HLA-F: variants seen among roughly 807,000 people sequenced by gnomAD.
The protein encoded by HLA-F is HLA class I histocompatibility antigen, alpha chain F.
In HLA-F, 46 loss-of-function variants were observed where a neutral mutation model predicts 49.5. That is an observed-to-expected ratio of 0.93 (90% CI 0.73 to 1.19). HLA-F has a LOEUF of 1.19. Ranked by LOEUF, HLA-F falls within the 50% of genes most tolerant of loss-of-function variation. The pLI is 0.00. For synonymous variants in HLA-F, 203 were observed against 233.5 expected (o/e 0.87, Z 1.19); for missense variants, 496 against 579.6 (o/e 0.86, Z 1.48).
At chr6:29,726,073 T>A in intron 6 of HLA-F, 30 bp downstream of exon 6, 4 of 1,606,266 alleles carry the variant, frequency 2.5e-6, no homozygotes, top group Non-Finnish European at 3.4e-6. Context: ...TCCCTGAGAT[T>A]GTTGGGATAT....
chr6:29,724,699 G>A (rs968263561), intron 3 of HLA-F, among the ~76,000 whole-genome samples: 3 of 139,172 alleles, frequency 2.2e-5, no homozygotes, highest in East Asian at 4.9e-4. Context: ...ATACCGATCC[G>A]CGGTCCCCTT....
intron 3 of HLA-F, among the ~76,000 whole-genome samples, chr6:29,734,816 C>A (rs2127598556): frequency 6.6e-6 from 1 of 152,190 alleles, no homozygotes; most frequent in Non-Finnish European, 1.5e-5. Flanking sequence ...AAGCAGTCAC[C>A]CTCCATTTCC....
At chr6:29,725,421 C>A in intron 4 of HLA-F, 26 bp from the exon 5 acceptor site, 2 of 1,609,640 alleles carry the variant, frequency 1.2e-6, no homozygotes, top group Non-Finnish European at 1.7e-6. Flanking sequence ...GAGATCAGGG[C>A]CCCTCACCTT....
chr6:29,723,494 T>G lies in HLA-F; in HGVS notation c.31T>G (p.Ser11Ala), dbSNP rs780412150. The G allele has an allele frequency of 1.2e-6, 2 of 1,613,482 alleles. No individual in the cohort carries two copies. Among genetic ancestry groups the G allele is most frequent in the Non-Finnish European group, 8.5e-7 (1 of 1,179,970 alleles). Residue 11 changes from serine to alanine, a missense_variant, in exon 1 of 7, where the codon TCA becomes GCA. Coordinates refer to ENST00000259951, the MANE Select transcript of HLA-F (RefSeq NM_001098479.2). MAPRSLLLLL[S>A]GALALTDTWA... ...GCCCCGAAGCCTCCTCCTGCTGCTCTCAGGGGCCCTGGCCCTGACCGATAC... is the reference window on the plus strand; with the variant it reads ...GCCCCGAAGCCTCCTCCTGCTGCTCGCAGGGGCCCTGGCCCTGACCGATAC...
At chr6:29,724,045 A>T (rs1250506348) in intron 2 of HLA-F, 118 bp downstream of exon 2, 1 of 1,545,818 alleles carries the variant, frequency 6.5e-7, no homozygotes, top group Non-Finnish European at 8.8e-7. Context: ...ACCCGCCCAG[A>T]CCCTCCACCC....
Position 29,723,701 on chromosome 6 carries a change from C to T in HLA-F, c.108C>T (p.Pro36=), listed in dbSNP as rs781002327. The change falls in exon 2 of 7, where the codon CCC becomes CCT. Residue 36 remains proline (P), a synonymous_variant. Transcript: ENST00000259951. ...LRYFSTAVSR[P]GRGEPRYIAV... ...ATTTCAGCACCGCTGTGTCGCGGCCCGGCCGCGGGGAGCCCCGCTACATCG... is the reference window on the plus strand; with the variant it reads ...ATTTCAGCACCGCTGTGTCGCGGCCTGGCCGCGGGGAGCCCCGCTACATCG... 7 of 1,611,502 alleles carry T rather than the reference C, an allele frequency of 4.3e-6. No homozygotes were observed. In the East Asian group the frequency reaches 1.1e-4, roughly 26 times the overall value.
downstream of HLA-F, among the ~76,000 whole-genome samples, chr6:29,731,497 T>C (rs947215180): frequency 6.6e-6 from 1 of 151,198 alleles, no homozygotes; most frequent in African/African-American, 2.4e-5. Context: ...AGTTCTGATG[T>C]CCAAGGGCAG....
In HLA-F at chr6:29,725,257, A is replaced by G; in HGVS notation, c.837A>G (p.Thr279=). The G allele has an allele frequency of 6.2e-7, 1 of 1,614,086 alleles. No individual in the cohort carries two copies. The highest frequency in any genetic ancestry group is 1.7e-5 in the Admixed American group (1 of 60,016). Residue 279 remains threonine (T), a synonymous_variant, in exon 4 of 7, where the codon ACA becomes ACG. Transcript: ENST00000259951. ...CTCCTGGAGAGGAACAGAGATACAC[A>G]TGCCATGTGCAGCACGAGGGGCTGC... ...VVPPGEEQRY[T]CHVQHEGLPQ...
In HLA-F at chr6:29,727,268, C is replaced by A; in HGVS notation, c.*93C>A. The A allele has an allele frequency of 2.8e-6, 2 of 726,040 alleles. No homozygotes were observed. Among genetic ancestry groups the A allele is most frequent in the Non-Finnish European group, 4.4e-6 (2 of 451,086 alleles). 45.0% of individuals were successfully genotyped at this position (726,040 alleles called of 1,614,324 possible). ...AGAATAAGAACCAACATTATCACAC[C>A]AAAGAAAATAAATAATTCCATAATA... On this transcript the variant is annotated 3_prime_UTR_variant, in exon 7 of 7. Coordinates refer to ENST00000259951, the MANE Select transcript of HLA-F (RefSeq NM_001098479.2).
chr6:29,734,686 T>G (rs532167795), intron 3 of HLA-F, among the ~76,000 whole-genome samples: 2 of 152,202 alleles, frequency 1.3e-5, no homozygotes, highest in Non-Finnish European at 2.9e-5. Context: ...TTTACCACTG[T>G]ACCCATTGTA....
chr6:29,725,574 G>C lies in HLA-F; in HGVS notation c.1003+11G>C. On this transcript the variant is annotated intron_variant, in intron 5 of 6. Transcript: ENST00000259951. ...GGAAGAAGAGCTCAGGTAGGAAGGG[G>C]TGAGGAGTGGAGTCTGAGTTTTCTT... The C allele has an allele frequency of 6.2e-7, 1 of 1,608,288 alleles. No homozygotes were observed. The highest frequency in any genetic ancestry group is 8.5e-7 in the Non-Finnish European group (1 of 1,174,932).
chr6:29,731,243 A>G (rs1180028212), downstream of HLA-F, among the ~76,000 whole-genome samples: 16 of 129,684 alleles, frequency 1.2e-4, no homozygotes, highest in South Asian at 2.3e-4. Flanking sequence ...ATAGATAGAT[A>G]GATAGATAGA....
In HLA-F at chr6:29,725,173, T is replaced by C. The variant is rs1775889012; in HGVS notation, c.753T>C (p.Leu251=). 1 of 1,614,020 alleles carries C rather than the reference T, an allele frequency of 6.2e-7. No individual in the cohort carries two copies. The highest frequency in any genetic ancestry group is 8.5e-7 in the Non-Finnish European group (1 of 1,179,998). The change falls in exon 4 of 7, where the codon CTT becomes CTC. Residue 251 remains leucine (L), a synonymous_variant. Coordinates refer to ENST00000259951, the MANE Select transcript of HLA-F (RefSeq NM_001098479.2). ...AGGAACAGACCCAGGACACAGAGCT[T>C]GTGGAGACCAGGCCTGCAGGGGATG... is the stretch of plus-strand genomic sequence containing the variant. ...DGEEQTQDTE[L]VETRPAGDGT...
intron 3 of HLA-F, among the ~76,000 whole-genome samples, chr6:29,737,237 A>C (rs1397256914): frequency 4.0e-5 from 6 of 150,452 alleles, no homozygotes; most frequent in Non-Finnish European, 8.9e-5. Context: ...AAAAAAAAAA[A>C]AAAACCCTGA....
chr6:29,735,252 T>C (rs1377724522), intron 3 of HLA-F: 1 of 148,594 alleles, frequency 6.7e-6, no homozygotes, highest in Non-Finnish European at 1.5e-5. Context: ...TTTTATAGTA[T>C]GACTACTATA....
chr6:29,733,523 T>A (rs1156989283), intron 3 of HLA-F, among the ~76,000 whole-genome samples: 1 of 152,216 alleles, frequency 6.6e-6, no homozygotes. Context: ...GAGGCTGAGA[T>A]GGGAGAATCA....
downstream of HLA-F, chr6:29,728,125 C>T (rs766118991): frequency 7.7e-6 from 4 of 516,388 alleles, no homozygotes; most frequent in Non-Finnish European, 7.7e-6. Context: ...GCTGAACATC[C>T]TGCAGTGCAC....
chr6:29,726,919 G>T lies in HLA-F; in HGVS notation c.1073G>T (p.Trp358Leu). 6.2e-7 allele frequency: 1 copy of T among 1,607,456 alleles called. No homozygotes were observed. The part of the protein sequence containing the change: ...SVVSGNLMIT[W>L]WSSLFLLGVL... ...GTCAGCGGAAACTTGATGATAACAT[G>T]GTGGTCAAGCTTATTTCTCCTGGGG... The change falls in exon 7 of 7, where the codon TGG becomes TTG. Residue 358 changes from tryptophan (W) to leucine (L), a missense_variant. Coordinates refer to ENST00000259951, the MANE Select transcript of HLA-F (RefSeq NM_001098479.2).
rs1775973437 is a variant in HLA-F at position 29,725,679 on chromosome 6, T to C, written c.1003+116T>C. On this transcript the variant is annotated intron_variant, in intron 5 of 6. Coordinates refer to ENST00000259951, the MANE Select transcript of HLA-F (RefSeq NM_001098479.2). ...GAAGCACCATCCACACTCATGGGTC[T>C]ACCCAGCCTGGGCCCTGTGTGCCAG... is the stretch of plus-strand genomic sequence containing the variant. 4 of 883,232 alleles carry C rather than the reference T, an allele frequency of 4.5e-6. No homozygotes were observed. The Admixed American group carries it at 6.2e-5, about 14-fold the overall frequency. 54.7% of individuals were successfully genotyped at this position (883,232 alleles called of 1,614,324 possible). A position where few individuals can be genotyped will look rare whatever the true frequency, so the allele number is the denominator to read the frequency against.
Sources: gnomAD v4.1 joint callset for allele counts (sites outside exome capture counted in the v4.1 genomes callset) on GRCh38, gnomAD v4.1.1 for gene constraint, MANE v1.5 for transcripts, NCBI Gene and HGNC (gene_info 2026-07-23, HGNC 2026-07-21) for gene names.